NFIC: variants seen among roughly 807,000 people sequenced by gnomAD.
The protein encoded by NFIC is nuclear factor 1 C-type.
In NFIC, 12 loss-of-function variants were observed where a neutral mutation model predicts 54.4. The observed-to-expected ratio is 0.22, with a 90% CI of 0.14 to 0.36. The LOEUF is 0.36. NFIC is among the 10% of genes least tolerant of loss of function. The pLI is 1.00. For missense variants in NFIC, 575 were observed against 718.2 expected, an observed-to-expected ratio of 0.80 and a Z score of 2.28; for synonymous variants, 322 against 319.2, an observed-to-expected ratio of 1.01 and a Z score of -0.09.
intron 2 of NFIC, among the ~76,000 whole-genome samples, chr19:3,386,566 G>A (rs2081300409): frequency 1.3e-5 from 2 of 151,632 alleles, no homozygotes; most frequent in East Asian, 1.9e-4. Flanking sequence ...CAAGTGATCC[G>A]CCCTCCTCGG....
intron 3 of NFIC, among the ~76,000 whole-genome samples, chr19:3,433,043 C>T (rs192271524): frequency 1.3e-4 from 20 of 152,166 alleles, no homozygotes; most frequent in Non-Finnish European, 2.5e-4. Flanking sequence ...TGGTTCATTG[C>T]GGCCTCCACC....
At chr19:3,456,960 G>A (rs907526222) in intron 10 of NFIC, 4 of 394,990 alleles carry the variant, frequency 1.0e-5, no homozygotes, top group Non-Finnish European at 1.9e-5. Context: ...TGGGAAAACT[G>A]AGGCCCAGAG....
At position 3,464,241 on chromosome 19, in the gene NFIC, G is replaced by T; in HGVS notation, c.*1472G>T. 1 of 985,406 alleles carries T rather than the reference G, an allele frequency of 1.0e-6. No homozygotes were observed. Among genetic ancestry groups the T allele is most frequent in the Non-Finnish European group, 1.2e-6 (1 of 829,924 alleles). The allele number at this position is 985,406 out of a possible 1,614,324, so 61.0% of individuals were successfully genotyped here. ...GGGCCCCCAGAGGAGAGAGGAGGCC[G>T]ACGCCAGCGGTCCCCGCTCGGAACG... On this transcript the variant is annotated 3_prime_UTR_variant, in exon 11 of 11. Transcript: ENST00000443272.
Position 3,379,960 on chromosome 19 carries a change from G to A in NFIC, c.31-1752G>A, listed in dbSNP as rs985407347. On this transcript the variant is annotated intron_variant, in intron 1 of 10. Transcript: ENST00000443272. ...GCCTCCCAAAGTGCTGGGATTACAGGTGTGAGCCACCATGCTTGGCCGCCG... is the reference window on the plus strand; with the variant it reads ...GCCTCCCAAAGTGCTGGGATTACAGATGTGAGCCACCATGCTTGGCCGCCG... Among the ~76,000 whole-genome samples, 23 of 152,092 alleles carry A rather than the reference G, an allele frequency of 1.5e-4. No individual in the cohort carries two copies. In the East Asian group the frequency reaches 3.7e-3, roughly 24 times the overall value.
intron 6 of NFIC, among the ~76,000 whole-genome samples, chr19:3,439,322 A>C: frequency 7.8e-6 from 1 of 128,896 alleles, no homozygotes; most frequent in Non-Finnish European, 1.6e-5. Context: ...CAACAGAGAA[A>C]GACCCTGTCT....
intron 2 of NFIC, among the ~76,000 whole-genome samples, chr19:3,414,156 T>G (rs927498915): frequency 6.6e-6 from 1 of 152,112 alleles, no homozygotes; most frequent in Non-Finnish European, 1.5e-5. Flanking sequence ...CTCAGAGATG[T>G]GGAAGTACTT....
chr19:3,460,336 AGGCCTGAGTTC>A (rs1356171977), intron 10 of NFIC, among the ~76,000 whole-genome samples: 1 of 152,176 alleles, frequency 6.6e-6, no homozygotes, highest in Non-Finnish European at 1.5e-5. Context: ...AGAGCCAGAC[AGGCCTGAGTTC>A]AAGTTCCACC....
intron 6 of NFIC, among the ~76,000 whole-genome samples, chr19:3,438,329 A>C (rs2082237387): frequency 6.6e-6 from 1 of 151,956 alleles, no homozygotes; most frequent in African/African-American, 2.4e-5. Context: ...TGTGATTGGG[A>C]ATCGCAGAGC....
chr19:3,457,958 A>C (rs940109225), intron 10 of NFIC: 1 of 152,218 alleles, frequency 6.6e-6, no homozygotes, highest in Non-Finnish European at 1.5e-5. Flanking sequence ...TCCATGTGCT[A>C]TGGGTGGAGG....
intron 2 of NFIC, among the ~76,000 whole-genome samples, chr19:3,382,579 C>G (rs1008252626): frequency 6.6e-6 from 1 of 151,264 alleles, no homozygotes; most frequent in African/African-American, 2.4e-5. Flanking sequence ...GGCAGCAGGC[C>G]TGGGAGAGCA....
chr19:3,433,700 C>T, intron 4 of NFIC, 108 bp downstream of exon 4: 1 of 1,233,332 alleles, frequency 8.1e-7, no homozygotes, highest in South Asian at 1.3e-5. Flanking sequence ...CAGACAACCC[C>T]CTGTGTCACT....
chr19:3,404,986 G>A (rs1355102492), intron 2 of NFIC, among the ~76,000 whole-genome samples: 3 of 152,224 alleles, frequency 2.0e-5, no homozygotes, highest in African/African-American at 7.2e-5. Context: ...GTTCCGGGGC[G>A]GTGGTGGCCG....
chr19:3,425,577 A>C (rs1034390542), intron 3 of NFIC, among the ~76,000 whole-genome samples: 1 of 152,108 alleles, frequency 6.6e-6, no homozygotes, highest in East Asian at 1.9e-4. Flanking sequence ...CTCCTGCCTC[A>C]GTCTCCCAAG....
chr19:3,394,325 A>T (rs534276502), intron 2 of NFIC, among the ~76,000 whole-genome samples: 25 of 151,788 alleles, frequency 1.6e-4, no homozygotes, highest in Admixed American at 5.9e-4. Flanking sequence ...CAAAAAAATT[A>T]AAAAATTAGC....
At position 3,369,291 on chromosome 19, in the gene NFIC, A is replaced by T. The variant is rs1599553395; in HGVS notation, c.30+2625A>T. Among the ~76,000 whole-genome samples the T allele has an allele frequency of 6.9e-6, 1 of 144,668 alleles. No individual in the cohort carries two copies. The allele number at this position is 144,668 out of a possible 152,430, so 94.9% of individuals were successfully genotyped here. The stretch of plus-strand genomic sequence containing the variant: ...CTGTCTGTCTCTTCATCTCTGTCTC[A>T]CCTTCCCTTTCTCCTCTGTCTCTGC... On this transcript the variant is annotated intron_variant, in intron 1 of 10. Transcript: ENST00000443272. The surrounding 1 kb of genome is among the most constrained non-coding windows in gnomAD (Gnocchi z 4.3).
intron 2 of NFIC, among the ~76,000 whole-genome samples, chr19:3,396,459 G>A (rs538164048): frequency 1.3e-4 from 19 of 144,610 alleles, no homozygotes; most frequent in Non-Finnish European, 2.2e-4. Flanking sequence ...GCAACAGAGT[G>A]AGACTCCGTC....
chr19:3,368,485 A>G (rs1177795852), intron 1 of NFIC, among the ~76,000 whole-genome samples: 1 of 152,156 alleles, frequency 6.6e-6, no homozygotes, highest in African/African-American at 2.4e-5. Context: ...AAAACTAAAA[A>G]CTATCCAGGG....
intron 2 of NFIC, among the ~76,000 whole-genome samples, chr19:3,394,513 T>TCCCCCCCCCCCCCCCCC (rs1192475558): frequency 2.2e-4 from 2 of 9,022 alleles, no homozygotes; most frequent in African/African-American, 7.7e-4. Flanking sequence ...TTATGATCTT[T>TCCCCCCCCCCCCCCCCC]TCCCCACCCA....
rs35724239 is a variant in NFIC at position 3,376,428 on chromosome 19, C to CAAAAAA, written c.31-5258_31-5253dup. 7.5e-4 allele frequency among the ~76,000 whole-genome samples: 36 copies of CAAAAAA among 48,186 alleles called. 1 individual carries two copies. The highest frequency in any genetic ancestry group is 2.4e-3 in the South Asian group (2 of 844). 31.6% of individuals were successfully genotyped at this position (48,186 alleles called of 152,430 possible). On this transcript the variant is annotated intron_variant, in intron 1 of 10. Transcript: ENST00000443272. ...TGGGCAACAGTGTGAGACACTGTCT[C>CAAAAAA]AAAAAAAAAAAAAAAAAAAAAAAAA...
Sources: gnomAD v4.1 joint callset for allele counts (sites outside exome capture counted in the v4.1 genomes callset) on GRCh38, gnomAD v4.1.1 for gene constraint, Gnocchi (gnomAD v3.1) non-coding constraint, MANE v1.5 for transcripts, NCBI Gene and HGNC (gene_info 2026-07-23, HGNC 2026-07-21) for gene names.